CD300LG: variants seen among roughly 807,000 people sequenced by gnomAD.
CD300LG encodes CD300 molecule like family member g.
CD300LG carries 29 observed loss-of-function variants against 31.5 expected under a neutral mutation model. The ratio of observed to expected loss-of-function variants is 0.92; its 90% confidence interval spans 0.68 to 1.25. The LOEUF (loss-of-function observed/expected upper bound fraction) is 1.25. Among genes scored for constraint, CD300LG ranks in the 50% most tolerant of loss-of-function variants. The pLI is 0.00. For missense variants in CD300LG, 396 were observed against 417.6 expected (o/e 0.95, Z 0.45); for synonymous variants, 175 against 177.2 (o/e 0.99, Z 0.10).
chr17:43,858,281 T>C (rs1003189384), intron 6 of CD300LG: 28 of 1,026,482 alleles, frequency 2.7e-5, no homozygotes, highest in Non-Finnish European at 3.3e-5. Context: ...AAGGGAAAAG[T>C]CATGGAGACA....
chr17:43,849,099 C>T (rs1007535872), intron 2 of CD300LG: 7 of 604,194 alleles, frequency 1.2e-5, no homozygotes, highest in South Asian at 2.0e-5. Flanking sequence ...CGAGGTCACA[C>T]CAGTAGTAGA....
Position 43,855,283 on chromosome 17 carries a change from G to T in CD300LG, c.796G>T (p.Ala266Ser). 6.2e-7 allele frequency: 1 copy of T among 1,601,996 alleles called. No homozygotes were observed. The highest frequency in any genetic ancestry group is 8.5e-7 in the Non-Finnish European group (1 of 1,175,814). Residue 266 changes from alanine (A) to serine (S), a missense_variant, in exon 5 of 7, where the codon GCC (alanine) becomes TCC (serine). Ala to Ser is a moderately conservative substitution (Grantham distance 99). Transcript: ENST00000317310. ...LSLLSAAGLI[A>S]FCSHLLLWRK... ...CCTTCTGTCAGCCGCAGGCCTGATC[G>T]CCTTCTGCAGCCACCTGCTCCTGTG... is the stretch of plus-strand genomic sequence containing the variant.
Position 43,853,979 on chromosome 17 carries a change from G to A in CD300LG, c.654G>A (p.Met218Ile), listed in dbSNP as rs759083134. 1.7e-5 allele frequency: 27 copies of A among 1,614,046 alleles called. No homozygotes were observed. The highest frequency in any genetic ancestry group is 2.1e-5 in the Non-Finnish European group (25 of 1,180,018). The change falls in exon 4 of 7, where the codon ATG becomes ATA. Residue 218 changes from methionine to isoleucine, a missense_variant. Met to Ile is a conservative substitution (Grantham distance 10). Transcript: ENST00000317310. ...CTGCAGGGAGCTCCCGCCCCCCCAT[G>A]CAGCTGGACTCCACCTCAGCAGAGG... The part of the protein sequence containing the change: ...SPPAGSSRPP[M>I]QLDSTSAEDT...
intron 4 of CD300LG, 82 bp downstream of exon 4, chr17:43,854,126 C>G: frequency 9.7e-7 from 1 of 1,033,116 alleles, no homozygotes; most frequent in Non-Finnish European, 1.4e-6. Flanking sequence ...ACTCAACACT[C>G]TTTCCTCTAA....
rs759249366 is a variant in CD300LG, at chr17:43,861,856, C to T, written c.944C>T (p.Pro315Leu). The change falls in exon 7 of 7, where the codon CCT becomes CTT. Residue 315 changes from proline (P) to leucine (L), a missense_variant. By Grantham distance (98) the Pro-to-Leu change is moderately conservative. Coordinates refer to ENST00000317310, the MANE Select transcript of CD300LG (RefSeq NM_145273.4). ...CCTGAGGGGGACGTGATCTCGATGC[C>T]TCCCCTCCACACATCTGAGGAGGAG... ...QAPEGDVISM[P>L]PLHTSEEELG... 6.2e-7 allele frequency: 1 copy of T among 1,612,766 alleles called. No individual in the cohort carries two copies. The highest frequency in any genetic ancestry group is 1.3e-5 in the African/African-American group (1 of 74,870).
chr17:43,854,034 T>C lies in CD300LG; in HGVS notation c.709T>C (p.Ser237Pro), dbSNP rs1567851831. ...CAGTCCAGCTCTCAGCAGTGGCAGCTCTAAGCCCAGGTGAGCCCCAGGTGA... is the reference window on the plus strand; with the variant it reads ...CAGTCCAGCTCTCAGCAGTGGCAGCCCTAAGCCCAGGTGAGCCCCAGGTGA... ...DTSPALSSGS[S>P]KPRVSIPMVR... The change falls in exon 4 of 7, where the codon TCT (serine) becomes CCT (proline). Residue 237 changes from serine (S) to proline (P), a missense_variant. By Grantham distance (74) the Ser-to-Pro change is moderately conservative. Transcript: ENST00000317310. 1 of 1,613,440 alleles carries C rather than the reference T, an allele frequency of 6.2e-7. No homozygotes were observed. The highest frequency in any genetic ancestry group is 8.5e-7 in the Non-Finnish European group (1 of 1,179,438).
In CD300LG at chr17:43,861,812, G is replaced by T; in HGVS notation, c.900G>T (p.Lys300Asn). 6.2e-7 allele frequency: 1 copy of T among 1,607,870 alleles called. No homozygotes were observed. The highest frequency in any genetic ancestry group is 8.5e-7 in the Non-Finnish European group (1 of 1,177,344). Residue 300 changes from lysine (K) to asparagine (N), a missense_variant, in exon 7 of 7, where the codon AAG becomes AAT. Lys to Asn is a moderately conservative substitution (Grantham distance 94, BLOSUM62 0). Coordinates refer to ENST00000317310, the MANE Select transcript of CD300LG (RefSeq NM_145273.4). ...TGTCTTTACAGACTGCGGAGGAAAA[G>T]GAAGCCCCTTCCCAGGCCCCTGAGG... ...FCLSRLTAEE[K>N]EAPSQAPEGD... is the part of the protein sequence containing the mutation.
In CD300LG at chr17:43,855,210, G is replaced by A. The variant is rs1026474784; in HGVS notation, c.723G>A (p.Val241=). The change falls in exon 5 of 7, where the codon GTG becomes GTA. Residue 241 remains valine (V), a synonymous_variant. Coordinates refer to ENST00000317310, the MANE Select transcript of CD300LG (RefSeq NM_145273.4). ...GCTCCTTGCGTCTCGTCTCCAGGGT[G>A]TCCATCCCGATGGTCCGCATACTGG... ...ALSSGSSKPR[V]SIPMVRILAP... is the part of the protein sequence containing the mutation. 6.2e-7 allele frequency: 1 copy of A among 1,603,150 alleles called. No individual in the cohort carries two copies. Among genetic ancestry groups the A allele is most frequent in the South Asian group, 1.1e-5 (1 of 88,760 alleles).
chr17:43,858,156 G>T, intron 6 of CD300LG: 1 of 1,269,330 alleles, frequency 7.9e-7, no homozygotes. Context: ...AAAAGACTCA[G>T]GCCTGGTCAC....
At chr17:43,852,204 T>C (rs1167416620) in intron 2 of CD300LG, among the ~76,000 whole-genome samples, 1 of 151,360 alleles carries the variant, frequency 6.6e-6, no homozygotes, top group Non-Finnish European at 1.5e-5. Context: ...GTTTTGTTCT[T>C]TGCTTTTTTT....
Position 43,862,070 on chromosome 17 carries a change from T to C in CD300LG, c.*159T>C, listed in dbSNP as rs16940275. On this transcript the variant is annotated 3_prime_UTR_variant, in exon 7 of 7. Coordinates refer to ENST00000317310, the MANE Select transcript of CD300LG (RefSeq NM_145273.4). The stretch of plus-strand genomic sequence containing the variant: ...GGCTCTCCTCTTGCATGTTCCAGCC[T>C]GACCTAGAAGCGTTTGTCAGCCCTG... 0.021 allele frequency: 10,913 copies of C among 531,540 alleles called. 903 individuals are homozygous for C. The highest frequency in any genetic ancestry group is 0.18 in the African/African-American group (9,364 of 51,144). The allele number at this position is 531,540 out of a possible 1,614,324, so 32.9% of individuals were successfully genotyped here.
chr17:43,848,611 G>C lies in CD300LG; in HGVS notation c.97G>C (p.Val33Leu), dbSNP rs1026496781. The change falls in exon 2 of 7, where the codon GTG becomes CTG. Residue 33 changes from valine to leucine, a missense_variant. Coordinates refer to ENST00000317310, the MANE Select transcript of CD300LG (RefSeq NM_145273.4). ...EEISGFEGDT[V>L]SLQCTYREEL... is the part of the protein sequence containing the mutation. ...AATCAGCGGGTTCGAAGGGGACACTGTGTCCCTGCAGTGCACCTACAGGGA... is the reference window on the plus strand; with the variant it reads ...AATCAGCGGGTTCGAAGGGGACACTCTGTCCCTGCAGTGCACCTACAGGGA... 6.2e-7 allele frequency: 1 copy of C among 1,614,066 alleles called. No homozygotes were observed. Among genetic ancestry groups the C allele is most frequent in the South Asian group, 1.1e-5 (1 of 91,076 alleles).
rs1481583658 is a variant in CD300LG at position 43,853,924 on chromosome 17, G to T, written c.599G>T (p.Gly200Val). The T allele has an allele frequency of 6.2e-7, 1 of 1,614,142 alleles. No homozygotes were observed. Among genetic ancestry groups the T allele is most frequent in the African/African-American group, 1.3e-5 (1 of 75,026 alleles). ...YGHERTSQYT[G>V]TSPHPATSPP... The stretch of plus-strand genomic sequence containing the variant: ...CACGAAAGGACTTCTCAGTACACAG[G>T]AACCTCTCCTCACCCAGCGACCTCT... The change falls in exon 4 of 7, where the codon GGA (glycine) becomes GTA (valine). Residue 200 changes from glycine to valine, a missense_variant. Transcript: ENST00000317310.
chr17:43,847,560 C>T (rs1484997754), intron 1 of CD300LG, among the ~76,000 whole-genome samples: 4 of 152,190 alleles, frequency 2.6e-5, no homozygotes, highest in Non-Finnish European at 5.9e-5. Flanking sequence ...AGCCTGGAGG[C>T]GGACAAGACA....
intron 6 of CD300LG, chr17:43,861,356 C>G: frequency 1.1e-6 from 1 of 892,110 alleles, no homozygotes; most frequent in Non-Finnish European, 1.3e-6. Context: ...TCCTCAGCAT[C>G]TGCTCCCCAA....
intron 4 of CD300LG, 56 bp from the exon 5 acceptor site, chr17:43,855,151 C>A: frequency 8.0e-7 from 1 of 1,244,932 alleles, no homozygotes; most frequent in Non-Finnish European, 1.1e-6. Context: ...CCCCAAAGGA[C>A]ATAGACTCTG....
At chr17:43,857,426 ATCT>A (rs1361995232) in intron 6 of CD300LG, 1 of 1,537,142 alleles carries the variant, frequency 6.5e-7, no homozygotes, top group Non-Finnish European at 8.7e-7. Flanking sequence ...CCATGTGAGC[ATCT>A]TCTCCAGGCG....
At chr17:43,850,614 G>A (rs912485881) in intron 2 of CD300LG, among the ~76,000 whole-genome samples, 6 of 151,738 alleles carry the variant, frequency 4.0e-5, no homozygotes, top group African/African-American at 1.2e-4. Context: ...GGGACCACAG[G>A]CACAAGTCAC....
At chr17:43,851,349 C>T (rs964350659) in intron 2 of CD300LG, among the ~76,000 whole-genome samples, 26 of 152,270 alleles carry the variant, frequency 1.7e-4, no homozygotes, top group African/African-American at 6.0e-4. Flanking sequence ...AAAGGAAATG[C>T]TCACTGGGGC....
Sources: gnomAD v4.1 joint callset for allele counts (sites outside exome capture counted in the v4.1 genomes callset) on GRCh38, gnomAD v4.1.1 for gene constraint, MANE v1.5 for transcripts, NCBI Gene and HGNC (gene_info 2026-07-23, HGNC 2026-07-21) for gene names.